Variants in FLI1 observed in about 807,000 individuals in gnomAD.
The protein encoded by FLI1 is Fli-1 proto-oncogene, ETS transcription factor.
A neutral mutation model predicts 53.1 loss-of-function variants in FLI1; 13 were observed. The ratio of observed to expected loss-of-function variants is 0.24; its 90% CI spans 0.16 to 0.39. FLI1 has a LOEUF of 0.39. Among genes scored for constraint, FLI1 ranks in the 10% least tolerant of loss-of-function variants. The probability of loss-of-function intolerance (pLI) is 1.00; values close to 1 mark genes in which losing one functional copy is unlikely to be tolerated. For synonymous variants in FLI1, 244 were observed against 236.7 expected (o/e 1.03, Z -0.28); for missense variants, 424 against 600.5 (o/e 0.71, Z 3.07).
intron 1 of FLI1, among the ~76,000 whole-genome samples, chr11:128,715,401 C>T (rs956277353): frequency 5.3e-5 from 8 of 152,078 alleles, no homozygotes; most frequent in Admixed American, 3.9e-4. Flanking sequence ...CAAACTTGTC[C>T]AAATAGAAAT....
intron 4 of FLI1, among the ~76,000 whole-genome samples, chr11:128,777,295 G>A (rs34615169): frequency 0.23 from 34,819 of 151,802 alleles, 4,114 homozygotes; most frequent in Middle Eastern, 0.27. Flanking sequence ...CCTTTTTTAA[G>A]TTTTACAAAC....
chr11:128,778,323 A>G (rs573104392), intron 4 of FLI1, among the ~76,000 whole-genome samples: 1 of 152,248 alleles, frequency 6.6e-6, no homozygotes, highest in East Asian at 1.9e-4. Context: ...CTCCCGGGCC[A>G]AGGAGTAGAA....
chr11:128,724,954 G>T (rs988967229), intron 1 of FLI1, among the ~76,000 whole-genome samples: 2 of 152,208 alleles, frequency 1.3e-5, no homozygotes, highest in African/African-American at 4.8e-5. Context: ...CCAGCAAAGA[G>T]ACGGCATAAA....
chr11:128,751,614 C>T (rs1940648600), intron 1 of FLI1, among the ~76,000 whole-genome samples: 1 of 151,702 alleles, frequency 6.6e-6, no homozygotes, highest in Admixed American at 6.6e-5. Context: ...GCAAGCTCTG[C>T]CTCCCGGGTT....
At chr11:128,791,379 C>T (rs1446083243) in intron 5 of FLI1, among the ~76,000 whole-genome samples, 1 of 152,170 alleles carries the variant, frequency 6.6e-6, no homozygotes, top group Non-Finnish European at 1.5e-5. Context: ...GGAAACCACA[C>T]TCACCCTTTA....
rs183109469 is a variant in FLI1 at position 128,802,923 on chromosome 11, G to A, written c.656-2443G>A. ...AGAGAATAGGGAGAAAAGCCGATAA[G>A]AAGTCAACGATAACTATAGCCATGG... On this transcript the variant is annotated intron_variant, in intron 5 of 8. Transcript: ENST00000527786. 1.5e-3 allele frequency among the ~76,000 whole-genome samples: 226 copies of A among 152,344 alleles called. 1 individual carries two copies. The highest frequency in any genetic ancestry group is 5.0e-3 in the African/African-American group (208 of 41,570).
chr11:128,764,118 C>T (rs1182831158), intron 2 of FLI1, among the ~76,000 whole-genome samples: 1 of 152,154 alleles, frequency 6.6e-6, no homozygotes, highest in Non-Finnish European at 1.5e-5. Context: ...TGATGATATA[C>T]CCAAGTTCAG....
chr11:128,794,033 A>G (rs964940884), intron 5 of FLI1, among the ~76,000 whole-genome samples: 1 of 152,106 alleles, frequency 6.6e-6, no homozygotes, highest in African/African-American at 2.4e-5. Flanking sequence ...TGGGTTTTGC[A>G]TGTCTTCTAA....
chr11:128,782,093 G>A, intron 5 of FLI1, 70 bp downstream of exon 5: 1 of 1,313,528 alleles, frequency 7.6e-7, no homozygotes, highest in Non-Finnish European at 1.1e-6. Flanking sequence ...ATGCTGTTAA[G>A]GTTGTTGCAG....
intron 1 of FLI1, among the ~76,000 whole-genome samples, chr11:128,701,563 C>T (rs569935325): frequency 5.9e-5 from 9 of 152,168 alleles, no homozygotes; most frequent in Admixed American, 5.2e-4. Flanking sequence ...TTCAAAATTG[C>T]TCATCCCTAC....
Position 128,791,946 on chromosome 11 carries a change from G to A in FLI1, c.655+9923G>A, listed in dbSNP as rs1033781039. On this transcript the variant is annotated intron_variant, in intron 5 of 8. Coordinates refer to ENST00000527786, the MANE Select transcript of FLI1 (RefSeq NM_002017.5). ...ACACGCCAAGCCGAGGAAAGGTGAC[G>A]CTGCAGGGAGAGTGTACCTTCTGCT... 3.3e-5 allele frequency among the ~76,000 whole-genome samples: 5 copies of A among 152,202 alleles called. No homozygotes were observed. In the East Asian group the frequency reaches 5.8e-4, roughly 18 times the overall value.
rs556699956 is a variant in FLI1, at chr11:128,799,947, G to C, written c.656-5419G>C. ...GATCTCCTAGTCCAGCCCTCTACCA[G>C]TACACGTCATAACCTGTCGGACAGC... On this transcript the variant is annotated intron_variant, in intron 5 of 8. Coordinates refer to ENST00000527786, the MANE Select transcript of FLI1 (RefSeq NM_002017.5). 3.3e-5 allele frequency among the ~76,000 whole-genome samples: 5 copies of C among 152,306 alleles called. No homozygotes were observed. In the East Asian group the frequency reaches 9.6e-4, roughly 29 times the overall value.
chr11:128,731,923 G>A (rs1003647618), intron 1 of FLI1, among the ~76,000 whole-genome samples: 2 of 151,446 alleles, frequency 1.3e-5, no homozygotes, highest in South Asian at 2.1e-4. Context: ...GAATCACTTC[G>A]AACCGGGAGG....
chr11:128,790,228 T>C (rs1179013880), intron 5 of FLI1, among the ~76,000 whole-genome samples: 1 of 151,820 alleles, frequency 6.6e-6, no homozygotes, highest in Non-Finnish European at 1.5e-5. Flanking sequence ...GTCTGCTTTC[T>C]ATCTGACCCT....
At chr11:128,699,073 A>G (rs1168493397) in intron 1 of FLI1, among the ~76,000 whole-genome samples, 1 of 152,226 alleles carries the variant, frequency 6.6e-6, no homozygotes. Flanking sequence ...AGCTCCTTTA[A>G]TAATGGAATA....
At chr11:128,808,112 T>C (rs1055340497) in intron 7 of FLI1, among the ~76,000 whole-genome samples, 2 of 152,198 alleles carry the variant, frequency 1.3e-5, no homozygotes, top group African/African-American at 4.8e-5. Flanking sequence ...ATAAGTCAGA[T>C]GTAGAGAGTT....
chr11:128,797,671 A>C (rs560277538), intron 5 of FLI1, among the ~76,000 whole-genome samples: 5 of 152,204 alleles, frequency 3.3e-5, no homozygotes, highest in Admixed American at 2.6e-4. Flanking sequence ...GTGTCTGGCA[A>C]GGTAGTAGAC....
intron 1 of FLI1, among the ~76,000 whole-genome samples, chr11:128,715,401 CA>C (rs1429543677): frequency 6.6e-6 from 1 of 152,078 alleles, no homozygotes; most frequent in Non-Finnish European, 1.5e-5. Flanking sequence ...CAAACTTGTC[CA>C]AATAGAAATG....
At chr11:128,768,012 A>G (rs1941408959) in intron 2 of FLI1, 106 bp from the exon 3 acceptor site, 2 of 998,816 alleles carry the variant, frequency 2.0e-6, no homozygotes, top group South Asian at 1.7e-5. Flanking sequence ...TGGCCGGGCA[A>G]TGGCTCCATG....
Sources: gnomAD v4.1 joint callset for allele counts (sites outside exome capture counted in the v4.1 genomes callset) on GRCh38, gnomAD v4.1.1 for gene constraint, MANE v1.5 for transcripts, NCBI Gene and HGNC (gene_info 2026-07-23, HGNC 2026-07-21) for gene names.